The following PIGU variants were observed in gnomAD, a reference collection of about 807,000 sequenced individuals.
The protein encoded by PIGU is GPI-anchor transamidase component PIGU.
Under a neutral mutation model 49.9 loss-of-function variants are expected in PIGU, and 24 were observed. That is an observed-to-expected ratio of 0.48 (90% CI 0.35 to 0.68). The LOEUF is 0.68. PIGU is among the 30% of genes least tolerant of loss of function. The pLI, the probability that PIGU is intolerant of heterozygous loss-of-function variation, is 0.01. For missense variants in PIGU, 490 were observed against 532.6 expected (o/e 0.92, Z 0.79); for synonymous variants, 220 against 205.7 (o/e 1.07, Z -0.59).
Position 34,560,900 on chromosome 20 carries a change from T to C in PIGU, c.1274A>G (p.Lys425Arg). 1 of 1,612,562 alleles carries C rather than the reference T, an allele frequency of 6.2e-7. No individual in the cohort carries two copies. Among genetic ancestry groups the C allele is most frequent in the Non-Finnish European group, 8.5e-7 (1 of 1,179,044 alleles). Residue 425 changes from lysine to arginine, a missense_variant, in exon 12 of 12, where the codon AAG becomes AGG. Lys to Arg is a conservative substitution (Grantham distance 26, BLOSUM62 2). Coordinates refer to ENST00000217446, the MANE Select transcript of PIGU (RefSeq NM_080476.5). Reference protein sequence around the residue: ...YLTHGLYLTAKDGTEAMLVLK With the variant: ...YLTHGLYLTARDGTEAMLVLK Reference sequence around the variant, plus strand: ...CACGAGCATGGCCTCTGTGCCATCCTTGGCGGTCAAGTAGAGGCCATGTGT... The same window carrying C: ...CACGAGCATGGCCTCTGTGCCATCCCTGGCGGTCAAGTAGAGGCCATGTGT...
chr20:34,633,760 G>A (rs1281674723), intron 6 of PIGU, among the ~76,000 whole-genome samples: 3 of 151,808 alleles, frequency 2.0e-5, no homozygotes, highest in Non-Finnish European at 4.4e-5. Context: ...TAGTAGCGAT[G>A]GGGTTTCACC....
At position 34,677,059 on chromosome 20, in the gene PIGU, C is replaced by T; in HGVS notation, c.27G>A (p.Leu9=). 1 of 1,570,688 alleles carries T rather than the reference C, an allele frequency of 6.4e-7. No homozygotes were observed. The highest frequency in any genetic ancestry group is 1.2e-5 in the South Asian group (1 of 85,674). ...CCGCCCGCACTGTCACAGCCACCAC[C>T]AGCACCAGGACCAAGGGAGCCGCCA... The part of the protein sequence containing the change: MAAPLVLV[L]VVAVTVRAAL... The change falls in exon 1 of 12, where the codon CTG becomes CTA. Residue 9 remains leucine, a synonymous_variant. Transcript: ENST00000217446.
At chr20:34,666,427 T>C (rs1293948822) in intron 1 of PIGU, among the ~76,000 whole-genome samples, 2 of 150,848 alleles carry the variant, frequency 1.3e-5, no homozygotes, top group African/African-American at 2.4e-5. Flanking sequence ...TAAATAATTA[T>C]GGCCAACTAT....
chr20:34,660,048 T>TTAAA (rs1555803431), intron 1 of PIGU, among the ~76,000 whole-genome samples: 2 of 41,452 alleles, frequency 4.8e-5, no homozygotes, highest in East Asian at 7.7e-4. Context: ...GAATGATCAA[T>TTAAA]AAAAAAAAAA....
At chr20:34,638,402 G>A (rs979010005) in intron 4 of PIGU, among the ~76,000 whole-genome samples, 4 of 152,178 alleles carry the variant, frequency 2.6e-5, no homozygotes, top group Non-Finnish European at 1.5e-5. Context: ...ATTGACTAAT[G>A]TCTGTCTCCC....
intron 11 of PIGU, among the ~76,000 whole-genome samples, chr20:34,568,195 A>G (rs1340270681): frequency 1.3e-5 from 2 of 152,218 alleles, no homozygotes; most frequent in South Asian, 2.1e-4. Flanking sequence ...TTGGGCTTCC[A>G]GAGCCCTGGC....
intron 11 of PIGU, among the ~76,000 whole-genome samples, chr20:34,570,307 T>C (rs531092785): frequency 2.6e-5 from 4 of 152,334 alleles, no homozygotes; most frequent in African/African-American, 7.2e-5. Context: ...TTTATGTAAA[T>C]GCACACAGAA....
chr20:34,587,088 G>C (rs2146711765), intron 8 of PIGU, among the ~76,000 whole-genome samples: 1 of 152,302 alleles, frequency 6.6e-6, no homozygotes, highest in East Asian at 1.9e-4. Context: ...CTCAAAGTGT[G>C]TTCCCTAAAC....
At chr20:34,632,031 A>C (rs62213589) in intron 6 of PIGU, among the ~76,000 whole-genome samples, 10,018 of 150,724 alleles carry the variant, frequency 0.066, 517 homozygotes, top group Non-Finnish European at 0.11. Context: ...TGTAAAGATG[A>C]GGTCTCACTA....
chr20:34,649,693 C>T (rs755452861), intron 2 of PIGU, among the ~76,000 whole-genome samples: 2 of 151,658 alleles, frequency 1.3e-5, no homozygotes, highest in African/African-American at 2.4e-5. Context: ...TGCCACCACG[C>T]CTGCCTAATT....
chr20:34,657,281 C>T, intron 1 of PIGU, 37 bp from the exon 2 acceptor site: 1 of 1,521,188 alleles, frequency 6.6e-7, no homozygotes, highest in South Asian at 1.1e-5. Context: ...TCAGACTAAG[C>T]AGGCAGCTAC....
chr20:34,622,427 G>C (rs1985276120), intron 6 of PIGU, among the ~76,000 whole-genome samples: 1 of 151,968 alleles, frequency 6.6e-6, no homozygotes. Context: ...TGAGGCAGGA[G>C]AATCTCTTGA....
At chr20:34,617,084 T>C (rs991555777) in intron 6 of PIGU, among the ~76,000 whole-genome samples, 1 of 152,214 alleles carries the variant, frequency 6.6e-6, no homozygotes, top group Non-Finnish European at 1.5e-5. Context: ...CACTCCAGCC[T>C]GGGTGTCCAG....
At chr20:34,608,734 C>T (rs1271596957) in intron 7 of PIGU, among the ~76,000 whole-genome samples, 1 of 152,166 alleles carries the variant, frequency 6.6e-6, no homozygotes, top group Non-Finnish European at 1.5e-5. Flanking sequence ...GATCAGGGTA[C>T]AGCCACTCAC....
At chr20:34,673,829 CG>C (rs1987391711) in intron 1 of PIGU, among the ~76,000 whole-genome samples, 1 of 152,084 alleles carries the variant, frequency 6.6e-6, no homozygotes, top group Non-Finnish European at 1.5e-5. Context: ...CCAAGGCGGG[CG>C]GATCACGAGG....
At chr20:34,665,258 C>A (rs1176530785) in intron 1 of PIGU, among the ~76,000 whole-genome samples, 4 of 124,730 alleles carry the variant, frequency 3.2e-5, no homozygotes, top group Middle Eastern at 5.6e-3. Flanking sequence ...GGCTGGAGTG[C>A]AGTGGCGCGA....
chr20:34,593,083 T>A (rs542622651), intron 7 of PIGU, among the ~76,000 whole-genome samples: 1 of 152,206 alleles, frequency 6.6e-6, no homozygotes, highest in Non-Finnish European at 1.5e-5. Context: ...ATGTCTGTAA[T>A]CCCAGCACTT....
chr20:34,642,693 C>CATAT (rs11472795), intron 4 of PIGU, among the ~76,000 whole-genome samples: 2,819 of 120,234 alleles, frequency 0.023, 67 homozygotes, highest in East Asian at 0.057. Flanking sequence ...ACACATATCT[C>CATAT]ATATATATAT....
intron 1 of PIGU, 129 bp downstream of exon 1, chr20:34,676,827 G>A (rs2146805201): frequency 2.5e-6 from 2 of 785,372 alleles, no homozygotes; most frequent in Non-Finnish European, 3.6e-6. Flanking sequence ...CCCTCTCCAA[G>A]AACCCCACGA....
Sources: gnomAD v4.1 joint callset for allele counts (sites outside exome capture counted in the v4.1 genomes callset) on GRCh38, gnomAD v4.1.1 for gene constraint, MANE v1.5 for transcripts, NCBI Gene and HGNC (gene_info 2026-07-23, HGNC 2026-07-21) for gene names.